The following UBE2W variants were observed in gnomAD, a reference collection of about 807,000 sequenced individuals.
The protein encoded by UBE2W is ubiquitin conjugating enzyme E2 W, also known as ubiquitin-conjugating enzyme E2 W.
UBE2W carries 18 observed loss-of-function variants against 27.2 expected under a neutral mutation model. The ratio of observed to expected loss-of-function variants is 0.66; its 90% CI spans 0.46 to 0.98. The LOEUF (loss-of-function observed/expected upper bound fraction) is 0.98. Among genes scored for constraint, UBE2W ranks in the 50% least tolerant of loss-of-function variants. The pLI, the probability that UBE2W is intolerant of heterozygous loss-of-function variation, is 0.00. For missense variants in UBE2W, 90 were observed against 180.2 expected, an observed-to-expected ratio of 0.50 and a Z score of 2.87; for synonymous variants, 53 against 57.2, an observed-to-expected ratio of 0.93 and a Z score of 0.33.
chr8:73,805,759 A>G, intron 4 of UBE2W, 33 bp from the exon 5 acceptor site: 1 of 1,312,272 alleles, frequency 7.6e-7, no homozygotes, highest in Non-Finnish European at 1.0e-6. Flanking sequence ...TAGGTTGAAA[A>G]ACAGAAAAAC....
chr8:73,858,274 C>T (rs987894968), intron 1 of UBE2W, among the ~76,000 whole-genome samples: 2 of 149,128 alleles, frequency 1.3e-5, no homozygotes, highest in African/African-American at 2.5e-5. Context: ...GGCAGGAGAA[C>T]TGCTTGAACC....
chr8:73,864,719 G>A (rs1229773084), intron 1 of UBE2W, among the ~76,000 whole-genome samples: 1 of 132,986 alleles, frequency 7.5e-6, no homozygotes, highest in Non-Finnish European at 1.6e-5. Context: ...TGGGATTACA[G>A]GTGCATGCCA....
At chr8:73,813,083 C>CAAAAAAA (rs56094830) in intron 3 of UBE2W, among the ~76,000 whole-genome samples, 1,026 of 43,418 alleles carry the variant, frequency 0.024, 230 homozygotes, top group East Asian at 0.039. Context: ...GAAAGTGCCA[C>CAAAAAAA]AAAAAAAAAA....
chr8:73,839,940 T>A (rs557087802), intron 1 of UBE2W, among the ~76,000 whole-genome samples: 4 of 152,106 alleles, frequency 2.6e-5, no homozygotes, highest in Admixed American at 1.3e-4. Context: ...TTCACCATGT[T>A]GGCCAAGCTG....
rs1403078640 is a variant in UBE2W, at chr8:73,792,082, CA to C, written c.*2019del. On this transcript the variant is annotated 3_prime_UTR_variant, in exon 6 of 6. Transcript: ENST00000602593. ...CCTAACCCCCAGAAGAAGATCAAGT[CA>C]AACAGTAGTGTAGAGCAGTTACGCA... is the stretch of plus-strand genomic sequence containing the variant. 56 of 985,186 alleles carry C rather than the reference CA, an allele frequency of 5.7e-5. No individual in the cohort carries two copies. The East Asian group carries it at 4.2e-3, about 74-fold the overall frequency. 61.0% of individuals were successfully genotyped at this position (985,186 alleles called of 1,614,324 possible).
intron 3 of UBE2W, among the ~76,000 whole-genome samples, chr8:73,817,858 C>T (rs1313600835): frequency 6.6e-6 from 1 of 152,140 alleles, no homozygotes. Context: ...CTCCTAATAC[C>T]TATGATAGAA....
intron 5 of UBE2W, chr8:73,795,822 C>T (rs772109403): frequency 3.2e-5 from 31 of 980,900 alleles, no homozygotes; most frequent in Non-Finnish European, 3.8e-5. Context: ...TGGCTCACGC[C>T]TGTAATTCCA....
intron 1 of UBE2W, among the ~76,000 whole-genome samples, chr8:73,870,962 TTAAGACCTC>T (rs1488305138): frequency 6.7e-6 from 1 of 149,038 alleles, no homozygotes; most frequent in Non-Finnish European, 1.5e-5. Context: ...CTGGGAGAGG[TTAAGACCTC>T]CTAGGCTATA....
chr8:73,790,684 G>C lies in UBE2W; in HGVS notation c.*3418C>G. On this transcript the variant is annotated 3_prime_UTR_variant, in exon 6 of 6. Transcript: ENST00000602593. ...ACCTCCTCTTCTCTTCTATTTTTAG[G>C]AAGAAGTTATAACAAGTTTTAAATA... 1.0e-6 allele frequency: 1 copy of C among 981,538 alleles called. No individual in the cohort carries two copies. Among genetic ancestry groups the C allele is most frequent in the African/African-American group, 1.7e-5 (1 of 57,228 alleles). 60.8% of individuals were successfully genotyped at this position (981,538 alleles called of 1,614,324 possible).
intron 1 of UBE2W, among the ~76,000 whole-genome samples, chr8:73,837,689 C>A (rs1810365708): frequency 6.6e-6 from 1 of 152,158 alleles, no homozygotes; most frequent in Admixed American, 6.5e-5. Context: ...ATCCTCCCAC[C>A]CCAGCCTCCC....
chr8:73,813,220 G>A (rs960952788), intron 3 of UBE2W, among the ~76,000 whole-genome samples: 1 of 151,624 alleles, frequency 6.6e-6, no homozygotes, highest in Non-Finnish European at 1.5e-5. Context: ...CAGAGCACAA[G>A]GAGAACAGTA....
chr8:73,806,466 G>A (rs1458153870), intron 4 of UBE2W, among the ~76,000 whole-genome samples: 3 of 151,132 alleles, frequency 2.0e-5, no homozygotes, highest in African/African-American at 7.3e-5. Context: ...TTGGGAGGCC[G>A]AGGCGGGTGG....
chr8:73,780,674 C>T (rs984970965), intron 4 of UBE2W, among the ~76,000 whole-genome samples: 1 of 152,032 alleles, frequency 6.6e-6, no homozygotes, highest in African/African-American at 2.4e-5. Flanking sequence ...GTGACACCAC[C>T]ACATTCAGCT....
chr8:73,782,241 C>A (rs569614607), downstream of UBE2W, among the ~76,000 whole-genome samples: 7 of 152,004 alleles, frequency 4.6e-5, no homozygotes, highest in Non-Finnish European at 8.8e-5. Context: ...GCCACTGTGC[C>A]TGGCCAATTG....
chr8:73,814,940 A>AT (rs1409914082), intron 3 of UBE2W, among the ~76,000 whole-genome samples: 4 of 152,192 alleles, frequency 2.6e-5, no homozygotes, highest in African/African-American at 9.7e-5. Context: ...CATTTTGGAG[A>AT]TAAGTATGTT....
rs1256230662 is a variant in UBE2W, at chr8:73,791,409, G to C, written c.*2693C>G. The C allele has an allele frequency of 1.2e-5, 12 of 984,206 alleles. No individual in the cohort carries two copies. The highest frequency in any genetic ancestry group is 1.4e-5 in the Non-Finnish European group (12 of 829,052). The allele number at this position is 984,206 out of a possible 1,614,324, so 61.0% of individuals were successfully genotyped here. On this transcript the variant is annotated 3_prime_UTR_variant, in exon 6 of 6. Transcript: ENST00000602593. ...TAAATAAATAAATAAAAGAAGAAGA[G>C]TGTACCTTATCTTCTAAGTATGAAA...
chr8:73,837,764 T>C (rs1810368884), intron 1 of UBE2W, among the ~76,000 whole-genome samples: 1 of 152,186 alleles, frequency 6.6e-6, no homozygotes, highest in African/African-American at 2.4e-5. Context: ...AATAACTGAT[T>C]CTTATCTTGG....
chr8:73,786,891 T>C lies in UBE2W; in HGVS notation c.*7211A>G, dbSNP rs926262185. On this transcript the variant is annotated 3_prime_UTR_variant, in exon 6 of 6. Transcript: ENST00000602593. ...AAATTATAACAGGATAAAAGAAATATGTTTTCATTGAGGTATGGAAACATA... is the reference window on the plus strand; with the variant it reads ...AAATTATAACAGGATAAAAGAAATACGTTTTCATTGAGGTATGGAAACATA... The C allele has an allele frequency of 5.1e-6, 5 of 985,292 alleles. No individual in the cohort carries two copies. The highest frequency in any genetic ancestry group is 3.5e-5 in the African/African-American group (2 of 57,240). 61.0% of individuals were successfully genotyped at this position (985,292 alleles called of 1,614,324 possible). A position where few individuals can be genotyped will look rare whatever the true frequency, so the allele number is the denominator to read the frequency against.
At chr8:73,802,357 T>C (rs1262273774) in intron 5 of UBE2W, among the ~76,000 whole-genome samples, 1 of 152,216 alleles carries the variant, frequency 6.6e-6, no homozygotes, top group Non-Finnish European at 1.5e-5. Context: ...AGCTGCACTT[T>C]TTTGCCTATT....
Sources: gnomAD v4.1 joint callset for allele counts (sites outside exome capture counted in the v4.1 genomes callset) on GRCh38, gnomAD v4.1.1 for gene constraint, MANE v1.5 for transcripts, NCBI Gene and HGNC (gene_info 2026-07-23, HGNC 2026-07-21) for gene names.